The following SLC66A2 variants were observed in gnomAD, a reference collection of about 807,000 sequenced individuals.
The protein encoded by SLC66A2 is solute carrier family 66 member 2.
SLC66A2 carries 23 observed loss-of-function variants against 25.5 expected under a neutral mutation model. That is an observed-to-expected ratio of 0.90 (90% confidence interval 0.65 to 1.28). The LOEUF (loss-of-function observed/expected upper bound fraction) is 1.28. Among genes scored for constraint, SLC66A2 ranks in the 50% most tolerant of loss-of-function variants. The probability of loss-of-function intolerance (pLI) is 0.00; values close to 1 mark genes in which losing one functional copy is unlikely to be tolerated. For synonymous variants in SLC66A2, 193 were observed against 166.5 expected, an observed-to-expected ratio of 1.16 and a Z score of -1.23; for missense variants, 396 against 373.1, an observed-to-expected ratio of 1.06 and a Z score of -0.51.
rs566653413 is a variant in SLC66A2, at chr18:79,940,658, C to T, written c.337+2671G>A. ...TTTCAGTCTGAACTCCAGTGATGTT[C>T]CTGCCTTGCCCTCCCCTCTCCTGGC... is the stretch of plus-strand genomic sequence containing the variant. On this transcript the variant is annotated intron_variant, in intron 3 of 5. Coordinates refer to ENST00000397778, the MANE Select transcript of SLC66A2 (RefSeq NM_025078.5). This position sits in a 1 kb window ranked among gnomAD's most constrained non-coding sequence, Gnocchi z 4.1. Among the ~76,000 whole-genome samples, 1 of 152,180 alleles carries T rather than the reference C, an allele frequency of 6.6e-6. No homozygotes were observed. Among genetic ancestry groups the T allele is most frequent in the East Asian group, 1.9e-4 (1 of 5,168 alleles).
intron 3 of SLC66A2, among the ~76,000 whole-genome samples, chr18:79,934,820 T>C (rs1445159518): frequency 2.0e-5 from 3 of 152,206 alleles, no homozygotes; most frequent in African/African-American, 7.2e-5. Flanking sequence ...CCCCAGGCAA[T>C]GTAGACTTAA....
chr18:79,906,561 AATTAT>A (rs887252381), intron 5 of SLC66A2, among the ~76,000 whole-genome samples: 5 of 152,330 alleles, frequency 3.3e-5, no homozygotes, highest in African/African-American at 4.8e-5. Flanking sequence ...TTTCTAGCTT[AATTAT>A]ATTATATTCA....
In SLC66A2 at chr18:79,917,849, C is replaced by A. The variant is rs979607393; in HGVS notation, c.608+1335G>T. Reference sequence around the variant, plus strand: ...ACCTGCACCCCACACCACACCCCAACCTGTACCTACCTCACACCATGCCAG... The same window carrying A: ...ACCTGCACCCCACACCACACCCCAAACTGTACCTACCTCACACCATGCCAG... On this transcript the variant is annotated intron_variant, in intron 5 of 5. Coordinates refer to ENST00000397778, the MANE Select transcript of SLC66A2 (RefSeq NM_025078.5). The surrounding 1 kb of genome is among the most constrained non-coding windows in gnomAD (Gnocchi z 6.0). Among the ~76,000 whole-genome samples the A allele has an allele frequency of 6.6e-6, 1 of 151,754 alleles. No homozygotes were observed. Among genetic ancestry groups the A allele is most frequent in the African/African-American group, 2.4e-5 (1 of 41,288 alleles).
Position 79,950,788 on chromosome 18 carries a change from C to A in SLC66A2, c.139G>T (p.Asp47Tyr), listed in dbSNP as rs1266446323. Residue 47 changes from aspartate (D) to tyrosine (Y), a missense_variant, in exon 2 of 6, where the codon GAC (aspartate) becomes TAC (tyrosine). Asp to Tyr is a radical substitution (Grantham distance 160). Transcript: ENST00000397778. Reference sequence around the variant, plus strand: ...AGGCACACGTAGGTGGAGAAGCCGTCGGCGTTCTGCGTCCTGCGAATGTCC... The same window carrying A: ...AGGCACACGTAGGTGGAGAAGCCGTAGGCGTTCTGCGTCCTGCGAATGTCC... ...YRDIRRTQNADGFSTYVCLVL... is the reference protein window; with the variant it reads ...YRDIRRTQNAYGFSTYVCLVL... 3 of 1,613,080 alleles carry A rather than the reference C, an allele frequency of 1.9e-6. No individual in the cohort carries two copies. Among genetic ancestry groups the A allele is most frequent in the African/African-American group, 1.3e-5 (1 of 74,956 alleles).
Position 79,929,246 on chromosome 18 carries a change from G to C in SLC66A2, c.391+4723C>G, listed in dbSNP as rs569646766. 9.2e-5 allele frequency among the ~76,000 whole-genome samples: 14 copies of C among 152,276 alleles called. No homozygotes were observed. In the South Asian group the frequency reaches 2.9e-3, roughly 32 times the overall value. On this transcript the variant is annotated intron_variant, in intron 4 of 5. Coordinates refer to ENST00000397778, the MANE Select transcript of SLC66A2 (RefSeq NM_025078.5). Reference sequence around the variant, plus strand: ...CAATGGCCACCCTGCCCAGCTGTGGGGAATACATCCCCCAGGGCATCATCA... The same window carrying C: ...CAATGGCCACCCTGCCCAGCTGTGGCGAATACATCCCCCAGGGCATCATCA...
intron 4 of SLC66A2, among the ~76,000 whole-genome samples, chr18:79,933,707 C>T (rs1986792744): frequency 6.6e-6 from 1 of 152,156 alleles, no homozygotes. Flanking sequence ...CTAAATTTTT[C>T]TCCTCCCTTC....
intron 5 of SLC66A2, among the ~76,000 whole-genome samples, chr18:79,914,894 G>C (rs577138629): frequency 6.6e-6 from 1 of 152,258 alleles, no homozygotes; most frequent in Non-Finnish European, 1.5e-5. Context: ...GCCAGGTGGC[G>C]TCTCAGGTTG....
intron 2 of SLC66A2, 52 bp downstream of exon 2, chr18:79,950,671 AG>A: frequency 6.3e-7 from 1 of 1,584,650 alleles, no homozygotes; most frequent in Non-Finnish European, 8.7e-7. Flanking sequence ...GAAACCCCAA[AG>A]GAGAAACCCT....
In SLC66A2 at chr18:79,903,933, A is replaced by G. The variant is rs1981607923; in HGVS notation, c.*43T>C. 1.9e-6 allele frequency: 3 copies of G among 1,544,078 alleles called. No homozygotes were observed. The highest frequency in any genetic ancestry group is 2.6e-6 in the Non-Finnish European group (3 of 1,143,560). The stretch of plus-strand genomic sequence containing the variant: ...CCCCGCGGGGAGGTCAGGGCCCACC[A>G]GTGCCCGCGGCTGGCGGTCCCACAT... On this transcript the variant is annotated 3_prime_UTR_variant, in exon 6 of 6. Coordinates refer to ENST00000397778, the MANE Select transcript of SLC66A2 (RefSeq NM_025078.5).
Position 79,903,816 on chromosome 18 carries a change from GC to G in SLC66A2, c.*159del. The G allele has an allele frequency of 1.7e-6, 1 of 580,862 alleles. No homozygotes were observed. The highest frequency in any genetic ancestry group is 2.9e-6 in the Non-Finnish European group (1 of 341,910). The allele number at this position is 580,862 out of a possible 1,614,324, so 36.0% of individuals were successfully genotyped here. A position where few individuals can be genotyped will look rare whatever the true frequency, so the allele number is the denominator to read the frequency against. ...ACAGCGTCCCAGCCCCACCCCCACT[GC>G]CCACCCTGAGACACCCCACAGAGGC... On this transcript the variant is annotated 3_prime_UTR_variant, in exon 6 of 6. Transcript: ENST00000397778.
intron 5 of SLC66A2, among the ~76,000 whole-genome samples, chr18:79,910,134 A>C (rs1260186817): frequency 2.1e-3 from 71 of 33,870 alleles, no homozygotes; most frequent in Admixed American, 3.9e-3. Context: ...CCTTCCCCAC[A>C]CCCTCACCAG....
chr18:79,926,351 A>G (rs1181378116), intron 4 of SLC66A2, among the ~76,000 whole-genome samples: 1 of 152,096 alleles, frequency 6.6e-6, no homozygotes, highest in East Asian at 1.9e-4. Context: ...AGCCCTTTCC[A>G]GTAATAAACA....
At position 79,941,442 on chromosome 18, in the gene SLC66A2, C is replaced by T. The variant is rs1353269305; in HGVS notation, c.337+1887G>A. On this transcript the variant is annotated intron_variant, in intron 3 of 5. Coordinates refer to ENST00000397778, the MANE Select transcript of SLC66A2 (RefSeq NM_025078.5). The surrounding 1 kb of genome is among the most constrained non-coding windows in gnomAD (Gnocchi z 4.1). ...ACGGACGTCTCCAGGGGCCATTATT[C>T]TGTACACCCACAGAGGGTGTTTAAA... 6.6e-6 allele frequency: 1 copy of T among 152,236 alleles called. No homozygotes were observed. The highest frequency in any genetic ancestry group is 2.4e-5 in the African/African-American group (1 of 41,438). The allele number at this position is 152,236 out of a possible 1,614,324, so 9.4% of individuals were successfully genotyped here.
At chr18:79,932,779 T>C (rs1599610695) in intron 4 of SLC66A2, among the ~76,000 whole-genome samples, 2 of 152,270 alleles carry the variant, frequency 1.3e-5, no homozygotes, top group African/African-American at 4.8e-5. Flanking sequence ...AAAATCTGAA[T>C]AGACTTATAA....
intron 3 of SLC66A2, among the ~76,000 whole-genome samples, chr18:79,935,945 T>C (rs1987043026): frequency 6.6e-6 from 1 of 152,198 alleles, no homozygotes; most frequent in Non-Finnish European, 1.5e-5. Context: ...AGCAAAATAA[T>C]TGTTGTCCTT....
intron 5 of SLC66A2, among the ~76,000 whole-genome samples, chr18:79,916,280 G>A (rs1289572681): frequency 2.7e-5 from 4 of 147,872 alleles, no homozygotes; most frequent in Admixed American, 2.1e-4. Context: ...CGTACCCGTG[G>A]TGCTCCCGTA....
intron 2 of SLC66A2, among the ~76,000 whole-genome samples, chr18:79,945,710 G>A (rs372388428): frequency 3.9e-5 from 6 of 152,352 alleles, no homozygotes; most frequent in Admixed American, 1.3e-4. Context: ...CAGGGGGCAC[G>A]GGCACTCTGC....
intron 3 of SLC66A2, among the ~76,000 whole-genome samples, chr18:79,934,800 T>C (rs564324863): frequency 2.0e-5 from 3 of 152,284 alleles, no homozygotes; most frequent in Admixed American, 2.0e-4. Context: ...TCAAAGGTTG[T>C]GTTTGCCTGC....
intron 1 of SLC66A2, among the ~76,000 whole-genome samples, 170 bp downstream of exon 1, chr18:79,951,411 G>T (rs1190879762): frequency 6.6e-6 from 1 of 151,316 alleles, no homozygotes; most frequent in African/African-American, 2.4e-5. Context: ...CGGGGGAAGG[G>T]GGCGCAGGCC....
Sources: gnomAD v4.1 joint callset for allele counts (sites outside exome capture counted in the v4.1 genomes callset) on GRCh38, gnomAD v4.1.1 for gene constraint, Gnocchi (gnomAD v3.1) non-coding constraint, MANE v1.5 for transcripts, NCBI Gene and HGNC (gene_info 2026-07-23, HGNC 2026-07-21) for gene names.